The following AUTS2 variants were observed in gnomAD, a reference collection of about 807,000 sequenced individuals.
The protein encoded by AUTS2 is autism susceptibility gene 2 protein.
AUTS2 carries 17 observed loss-of-function variants against 112.4 expected under a neutral mutation model. The ratio of observed to expected loss-of-function variants is 0.15; its 90% CI spans 0.10 to 0.23. The LOEUF is 0.23. AUTS2 is among the 10% of genes least tolerant of loss of function. The pLI, the probability that AUTS2 is intolerant of heterozygous loss-of-function variation, is 1.00. For missense variants in AUTS2, 1,510 were observed against 1,701.6 expected (o/e 0.89, Z 1.98); for synonymous variants, 751 against 702.7 (o/e 1.07, Z -1.09).
chr7:70,427,476 A>T (rs1269867884), intron 4 of AUTS2, among the ~76,000 whole-genome samples: 1 of 152,240 alleles, frequency 6.6e-6, no homozygotes, highest in East Asian at 1.9e-4. Flanking sequence ...GATTTGTGAA[A>T]TATTCACTTC....
intron 4 of AUTS2, among the ~76,000 whole-genome samples, chr7:70,277,144 TC>T (rs1399813905): frequency 6.6e-6 from 1 of 152,194 alleles, no homozygotes; most frequent in East Asian, 1.9e-4. Context: ...TTTGATGGAC[TC>T]CTAGGATGGA....
chr7:69,794,940 A>T (rs57493471), intron 1 of AUTS2, among the ~76,000 whole-genome samples: 15,782 of 152,114 alleles, frequency 0.1, 1,331 homozygotes, highest in African/African-American at 0.23. Flanking sequence ...ATTCCTTCTC[A>T]AAAGGAATGT....
Position 70,677,863 on chromosome 7 carries a change from C to T in AUTS2, c.691-20706C>T, listed in dbSNP as rs200349109. Among the ~76,000 whole-genome samples, 12 of 152,190 alleles carry T rather than the reference C, an allele frequency of 7.9e-5. No individual in the cohort carries two copies. The East Asian group carries it at 2.3e-3, about 30-fold the overall frequency. On this transcript the variant is annotated intron_variant, in intron 5 of 18. Coordinates refer to ENST00000342771, the MANE Select transcript of AUTS2 (RefSeq NM_015570.4). ...CTTTGGGAGGCCGAGGCGGGTGGAT[C>T]ACAAGGTCAGGAGATCGAGACCGTC...
chr7:70,338,243 A>C (rs1330250211), intron 4 of AUTS2, among the ~76,000 whole-genome samples: 1 of 152,222 alleles, frequency 6.6e-6, no homozygotes, highest in African/African-American at 2.4e-5. Flanking sequence ...ACTATAGCAG[A>C]TTTGACAGAG....
chr7:70,462,971 A>G (rs1193029210), intron 5 of AUTS2, among the ~76,000 whole-genome samples: 1 of 151,990 alleles, frequency 6.6e-6, no homozygotes, highest in Non-Finnish European at 1.5e-5. Flanking sequence ...AAAAAAAAAA[A>G]TCTGCTGGGG....
intron 1 of AUTS2, among the ~76,000 whole-genome samples, chr7:69,841,785 G>C (rs186766625): frequency 6.6e-6 from 1 of 152,328 alleles, no homozygotes; most frequent in Non-Finnish European, 1.5e-5. Context: ...GTTTGAGGCA[G>C]TTGTAGAAAT....
At chr7:70,699,822 C>G (rs1010750112) in intron 6 of AUTS2, among the ~76,000 whole-genome samples, 1 of 152,102 alleles carries the variant, frequency 6.6e-6, no homozygotes. Context: ...GCATACAGTA[C>G]TCGTGTGTAA....
chr7:70,163,746 C>T (rs918620456), intron 4 of AUTS2, among the ~76,000 whole-genome samples: 3 of 152,098 alleles, frequency 2.0e-5, no homozygotes, highest in Admixed American at 6.5e-5. Context: ...TTGGCTTCCC[C>T]GTGGGAGGGA....
chr7:70,259,329 A>G (rs1787045512), intron 4 of AUTS2, among the ~76,000 whole-genome samples: 1 of 151,752 alleles, frequency 6.6e-6, no homozygotes, highest in Non-Finnish European at 1.5e-5. Context: ...TTTTTTTGTA[A>G]AAAGAGGTTT....
chr7:70,159,348 G>A (rs1807955939), intron 4 of AUTS2, among the ~76,000 whole-genome samples: 1 of 152,176 alleles, frequency 6.6e-6, no homozygotes, highest in Non-Finnish European at 1.5e-5. Flanking sequence ...GTGAAACGCA[G>A]TGTGAAATAC....
intron 1 of AUTS2, among the ~76,000 whole-genome samples, chr7:69,862,830 C>T (rs17361399): frequency 0.084 from 12,717 of 151,936 alleles, 613 homozygotes; most frequent in East Asian, 0.13. Flanking sequence ...GAAAAGGCAG[C>T]GGGATTCTGT....
chr7:70,134,361 G>A (rs542175228), intron 3 of AUTS2, among the ~76,000 whole-genome samples, 175 bp from the exon 4 acceptor site: 1 of 152,232 alleles, frequency 6.6e-6, no homozygotes, highest in Non-Finnish European at 1.5e-5. Flanking sequence ...AGATGTAAAG[G>A]GGAAAATTAA....
intron 5 of AUTS2, among the ~76,000 whole-genome samples, chr7:70,654,277 T>C (rs182200259): frequency 1.3e-5 from 2 of 152,334 alleles, no homozygotes; most frequent in East Asian, 3.9e-4. Context: ...AAGGTCTAGA[T>C]AGTAAATATT....
At chr7:70,240,498 A>G (rs1812555068) in intron 4 of AUTS2, among the ~76,000 whole-genome samples, 1 of 152,170 alleles carries the variant, frequency 6.6e-6, no homozygotes, top group Non-Finnish European at 1.5e-5. Flanking sequence ...AGTGAGGCCT[A>G]GGGACTCTTG....
intron 1 of AUTS2, among the ~76,000 whole-genome samples, chr7:69,754,130 A>G (rs141093072): frequency 2.0e-5 from 3 of 152,146 alleles, no homozygotes; most frequent in Non-Finnish European, 4.4e-5. Context: ...AGGTGACTCA[A>G]CTGGAAGAGG....
intron 1 of AUTS2, among the ~76,000 whole-genome samples, chr7:69,803,527 G>GAAA (rs61457596): frequency 2.0e-5 from 3 of 149,100 alleles, no homozygotes; most frequent in Non-Finnish European, 3.0e-5. Flanking sequence ...ACCATCTTTG[G>GAAA]AAAAAAAAAA....
intron 1 of AUTS2, among the ~76,000 whole-genome samples, chr7:69,787,084 A>C (rs1789410348): frequency 6.6e-6 from 1 of 152,210 alleles, no homozygotes; most frequent in East Asian, 1.9e-4. Flanking sequence ...TCTGGCTTTC[A>C]GCATTTGATC....
At chr7:70,452,553 C>T (rs535029778) in intron 5 of AUTS2, among the ~76,000 whole-genome samples, 2 of 152,068 alleles carry the variant, frequency 1.3e-5, no homozygotes, top group Non-Finnish European at 2.9e-5. Flanking sequence ...CACCATTGAC[C>T]GACTTACCCT....
At chr7:70,144,494 A>G (rs1270429072) in intron 4 of AUTS2, among the ~76,000 whole-genome samples, 2 of 152,070 alleles carry the variant, frequency 1.3e-5, no homozygotes, top group East Asian at 1.9e-4. Flanking sequence ...TCATGACCAA[A>G]TGGAAGCCTT....
Sources: allele counts gnomAD v4.1 joint callset (sites outside exome capture counted in the v4.1 genomes callset), GRCh38; gene constraint gnomAD v4.1.1; transcripts MANE v1.5; gene names NCBI Gene and HGNC (gene_info 2026-07-23, HGNC 2026-07-21).